FKBP11: variants seen among roughly 807,000 people sequenced by gnomAD.
The protein encoded by FKBP11 is FKBP prolyl isomerase 11.
A neutral mutation model predicts 24.7 loss-of-function variants in FKBP11; 21 were observed. The ratio of observed to expected loss-of-function variants is 0.85; its 90% CI spans 0.60 to 1.23. The LOEUF (loss-of-function observed/expected upper bound fraction) is 1.23. Among genes scored for constraint, FKBP11 ranks in the 50% most tolerant of loss-of-function variants. The pLI is 0.00. For missense variants in FKBP11, 245 were observed against 248.7 expected (o/e 0.99, Z 0.10); for synonymous variants, 106 against 100.6 (o/e 1.05, Z -0.32).
the FKBP11 span, chr12:48,931,594 C>T: frequency 2.2e-4 from 192 of 862,286 alleles, no homozygotes; most frequent in Middle Eastern, 2.2e-4. Flanking sequence ...AGCCTCCACA[C>T]TCAAAGGTGT....
rs565180974 is a variant in FKBP11, at chr12:48,923,287, C to T, written c.388+495G>A. ...ATCTCAACCCTTCAAAAATAGACAT[C>T]GGCAGTGACCAATGATGGCTTTTAA... On this transcript the variant is annotated intron_variant, in intron 5 of 5. Coordinates refer to ENST00000550765, the MANE Select transcript of FKBP11 (RefSeq NM_016594.3). The T allele has an allele frequency of 1.8e-5, 25 of 1,400,892 alleles. No individual in the cohort carries two copies. The African/African-American group carries it at 2.3e-4, about 13-fold the overall frequency. 86.8% of individuals were successfully genotyped at this position (1,400,892 alleles called of 1,614,324 possible).
chr12:48,922,847 G>A (rs1349109771), intron 5 of FKBP11: 1 of 1,025,184 alleles, frequency 9.8e-7, no homozygotes, highest in African/African-American at 1.7e-5. Flanking sequence ...GCTGGAACTA[G>A]GATAAGAATT....
intron 5 of FKBP11, chr12:48,923,489 T>C: frequency 6.5e-7 from 1 of 1,550,300 alleles, no homozygotes; most frequent in Non-Finnish European, 8.7e-7. Flanking sequence ...TCCAGTGTTC[T>C]GGGAAAGGTG....
chr12:48,929,877 CT>C (rs1940026112), upstream of FKBP11, among the ~76,000 whole-genome samples: 17 of 152,350 alleles, frequency 1.1e-4, no homozygotes, highest in Admixed American at 8.5e-4. Context: ...GTCAAGCTCC[CT>C]CCAGGCTAAG....
At chr12:48,922,708 G>A in intron 5 of FKBP11, 2 of 993,850 alleles carry the variant, frequency 2.0e-6, no homozygotes, top group East Asian at 1.1e-4. Flanking sequence ...AGAAGTAAAG[G>A]GGCAGGTGGA....
the FKBP11 span, chr12:48,936,020 A>T: frequency 6.6e-6 from 1 of 152,258 alleles, no homozygotes; most frequent in Non-Finnish European, 1.5e-5. Context: ...TATGATGGGA[A>T]GAAATAACCA....
chr12:48,923,663 T>A, intron 5 of FKBP11, 119 bp downstream of exon 5: 1 of 1,580,394 alleles, frequency 6.3e-7, no homozygotes, highest in Admixed American at 1.7e-5. Flanking sequence ...CAGCCACTCC[T>A]ATCTGTCTAA....
At chr12:48,931,128 TAAAAAAAAAAA>T (rs35482677), upstream of FKBP11, among the ~76,000 whole-genome samples, 26 of 36,210 alleles carry the variant, frequency 7.2e-4, no homozygotes, top group Admixed American at 4.9e-3. Context: ...GACTCCAGCT[TAAAAAAAAAAA>T]AAAAAAAAAA....
chr12:48,930,264 T>C (rs1218361967), upstream of FKBP11, among the ~76,000 whole-genome samples: 1 of 152,224 alleles, frequency 6.6e-6, no homozygotes, highest in Non-Finnish European at 1.5e-5. Flanking sequence ...ACAGATGTGA[T>C]ATGAGCCCAT....
the FKBP11 span, chr12:48,931,788 G>T: frequency 3.1e-6 from 1 of 317,630 alleles, no homozygotes; most frequent in Non-Finnish European, 5.8e-6. Flanking sequence ...ATGTTCTTAA[G>T]TGTTTATTTA....
rs1939890185 is a variant in FKBP11, at chr12:48,923,810, T to G, written c.360A>C (p.Gly120=). The G allele has an allele frequency of 1.2e-6, 2 of 1,614,118 alleles. No homozygotes were observed. Among genetic ancestry groups the G allele is most frequent in the Non-Finnish European group, 1.7e-6 (2 of 1,180,012 alleles). The part of the protein sequence containing the change: ...RAIIPSHLAY[G]KRGFPPSVPA... ...GGACAGATGGTGGAAATCCCCGTTT[T>G]CCATAGGCCAAGTGAGAAGGAATGA... The change falls in exon 5 of 6, where the codon GGA becomes GGC. Residue 120 remains glycine (G), a synonymous_variant. Transcript: ENST00000550765.
chr12:48,925,086 T>C lies in FKBP11; in HGVS notation c.155A>G (p.Glu52Gly). Residue 52 changes from glutamate (E) to glycine (G), a missense_variant, in exon 2 of 6, where the codon GAG (glutamate) becomes GGG (glycine). By Grantham distance (98) the Glu-to-Gly change is moderately conservative (BLOSUM62 -2). Transcript: ENST00000550765. ...TLVEPPEPCA[E>G]PAAFGDTLHI... is the part of the protein sequence containing the mutation. ...AAGCGTGTCTCCAAAAGCAGCGGGC[T>C]CGGCACATGGTTCTGGGGGCTCCAC... 6.2e-7 allele frequency: 1 copy of C among 1,605,854 alleles called. No homozygotes were observed. Among genetic ancestry groups the C allele is most frequent in the South Asian group, 1.1e-5 (1 of 90,830 alleles).
upstream of FKBP11, among the ~76,000 whole-genome samples, chr12:48,928,043 C>CTTTTTTT (rs34076093): frequency 2.5e-4 from 22 of 88,452 alleles, no homozygotes; most frequent in South Asian, 4.7e-4. Flanking sequence ...TGCCAGATAC[C>CTTTTTTT]TTTTTTTTTT....
chr12:48,924,665 T>G lies in FKBP11; in HGVS notation c.196-17A>C, dbSNP rs371894568. 6.2e-7 allele frequency: 1 copy of G among 1,610,310 alleles called. No individual in the cohort carries two copies. The highest frequency in any genetic ancestry group is 8.5e-7 in the Non-Finnish European group (1 of 1,176,886). Reference sequence around the variant, plus strand: ...CAAGCTTCCCTGGGGGGAGAGAGCATCAAGAGCATACATCTAGCACCCTCT... The same window carrying G: ...CAAGCTTCCCTGGGGGGAGAGAGCAGCAAGAGCATACATCTAGCACCCTCT... On this transcript the variant is annotated splice_polypyrimidine_tract_variant and intron_variant, in intron 2 of 5. Transcript: ENST00000550765.
intron 5 of FKBP11, chr12:48,923,134 G>A: frequency 9.1e-7 from 1 of 1,101,298 alleles, no homozygotes; most frequent in Non-Finnish European, 1.1e-6. Flanking sequence ...GGCAACAAGA[G>A]TGAAACTCCA....
At chr12:48,937,284 C>G in the FKBP11 span, 1 of 152,236 alleles carries the variant, frequency 6.6e-6, no homozygotes, top group African/African-American at 2.4e-5. Flanking sequence ...CTCAGCCATG[C>G]TGTGGGGGGC....
the FKBP11 span, among the ~76,000 whole-genome samples, chr12:48,932,869 G>C: frequency 6.6e-6 from 1 of 152,150 alleles, no homozygotes; most frequent in Non-Finnish European, 1.5e-5. Flanking sequence ...CAATATGCCT[G>C]GTTTGTGAGG....
intron 3 of FKBP11, 72 bp from the exon 4 acceptor site, chr12:48,924,328 T>A: frequency 6.3e-7 from 1 of 1,577,168 alleles, no homozygotes; most frequent in Non-Finnish European, 8.7e-7. Context: ...AAGATCAAAG[T>A]CTTCCTCCTC....
chr12:48,923,700 C>T (rs1939887763), intron 5 of FKBP11, 82 bp downstream of exon 5: 1 of 1,588,910 alleles, frequency 6.3e-7, no homozygotes, highest in Admixed American at 1.7e-5. Context: ...TCTTCTCAAG[C>T]ATCAAACAAA....
Sources: allele counts gnomAD v4.1 joint callset (sites outside exome capture counted in the v4.1 genomes callset), GRCh38; gene constraint gnomAD v4.1.1; transcripts MANE v1.5; gene names NCBI Gene and HGNC (gene_info 2026-07-23, HGNC 2026-07-21).